The following STK33 variants were observed in gnomAD, a reference collection of about 807,000 sequenced individuals.
STK33 encodes the protein serine/threonine kinase 33, also known as serine/threonine-protein kinase 33.
Under a neutral mutation model 58.0 loss-of-function variants are expected in STK33, and 52 were observed. The ratio of observed to expected loss-of-function variants is 0.90; its 90% confidence interval spans 0.72 to 1.13. STK33 has a LOEUF of 1.13. Among genes scored for constraint, STK33 ranks in the 50% most tolerant of loss-of-function variants. The pLI is 0.00. For missense variants in STK33, 630 were observed against 604.2 expected (o/e 1.04, Z -0.45); for synonymous variants, 215 against 200.1 (o/e 1.07, Z -0.63).
At chr11:8,426,125 G>A (rs991249366) in intron 14 of STK33, among the ~76,000 whole-genome samples, 10 of 152,176 alleles carry the variant, frequency 6.6e-5, no homozygotes, top group African/African-American at 1.9e-4. Context: ...GATCACACGC[G>A]GGCTTGGAGA....
chr11:8,371,867 CTCCT>C, the STK33 span, among the ~76,000 whole-genome samples: 3 of 148,644 alleles, frequency 2.0e-5, no homozygotes, highest in Admixed American at 6.8e-5. Flanking sequence ...CCCTCCCTCC[CTCCT>C]TCTCTTTATT....
At chr11:8,362,561 A>T in the STK33 span, among the ~76,000 whole-genome samples, 1 of 152,228 alleles carries the variant, frequency 6.6e-6, no homozygotes, top group Non-Finnish European at 1.5e-5. Flanking sequence ...AAATCTTAGC[A>T]ATGTCTTTGG....
intron 1 of STK33, among the ~76,000 whole-genome samples, chr11:8,524,645 G>T (rs1031863303): frequency 1.3e-5 from 2 of 151,984 alleles, no homozygotes; most frequent in Admixed American, 1.3e-4. Context: ...TTTGTGACCA[G>T]AAATATGCCA....
chr11:8,491,054 C>T (rs1339106904), intron 1 of STK33, among the ~76,000 whole-genome samples: 1 of 152,154 alleles, frequency 6.6e-6, no homozygotes, highest in South Asian at 2.1e-4. Flanking sequence ...GATTGCAGCT[C>T]CTCGCCAGTA....
intron 11 of STK33, among the ~76,000 whole-genome samples, chr11:8,450,088 T>C (rs1198431139): frequency 6.6e-6 from 1 of 152,162 alleles, no homozygotes; most frequent in African/African-American, 2.4e-5. Flanking sequence ...ATCATTCTAC[T>C]GTAAGGACAC....
intron 15 of STK33, among the ~76,000 whole-genome samples, chr11:8,394,088 CT>C: frequency 6.6e-6 from 1 of 152,092 alleles, no homozygotes; most frequent in East Asian, 1.9e-4. Context: ...TTCTTTAGTT[CT>C]TTTCCCCCCT....
chr11:8,365,860 C>A, the STK33 span, among the ~76,000 whole-genome samples: 1 of 152,172 alleles, frequency 6.6e-6, no homozygotes, highest in Non-Finnish European at 1.5e-5. Context: ...CCCACAGAGT[C>A]CTGGAACTCG....
chr11:8,395,094 G>GACCT (rs1849107856), intron 15 of STK33, among the ~76,000 whole-genome samples: 1 of 152,136 alleles, frequency 6.6e-6, no homozygotes. Flanking sequence ...CATTTCCATT[G>GACCT]GTTGCAGGTC....
At chr11:8,577,885 A>T (rs1254983674) in intron 1 of STK33, among the ~76,000 whole-genome samples, 1 of 152,110 alleles carries the variant, frequency 6.6e-6, no homozygotes, top group East Asian at 1.9e-4. Flanking sequence ...TTTATATGGT[A>T]ACTTTCCTGA....
At chr11:8,581,604 G>A (rs900077923) in intron 1 of STK33, among the ~76,000 whole-genome samples, 1 of 152,170 alleles carries the variant, frequency 6.6e-6, no homozygotes, top group African/African-American at 2.4e-5. Flanking sequence ...CTAAGTGTTT[G>A]GAAGAAAATC....
intron 14 of STK33, among the ~76,000 whole-genome samples, chr11:8,434,627 T>TAC (rs1943841715): frequency 8.2e-6 from 1 of 121,526 alleles, no homozygotes; most frequent in Non-Finnish European, 1.8e-5. Context: ...CTGTGAGCTA[T>TAC]TATGGTTCCT....
chr11:8,495,172 G>C (rs1297525092), intron 1 of STK33, among the ~76,000 whole-genome samples: 1 of 151,880 alleles, frequency 6.6e-6, no homozygotes, highest in Non-Finnish European at 1.5e-5. Flanking sequence ...TACAGAATGG[G>C]AGAAAATTTT....
chr11:8,361,370 C>T, the STK33 span, among the ~76,000 whole-genome samples: 1 of 152,194 alleles, frequency 6.6e-6, no homozygotes, highest in East Asian at 1.9e-4. The surrounding 1 kb of genome is among the most constrained non-coding windows in gnomAD (Gnocchi z 4.8). Context: ...CACCTCATTC[C>T]ACATCGAGCC....
At chr11:8,360,996 GAAAA>G in the STK33 span, among the ~76,000 whole-genome samples, 2 of 152,198 alleles carry the variant, frequency 1.3e-5, no homozygotes, top group African/African-American at 2.4e-5. Flanking sequence ...GCGTTGCATT[GAAAA>G]ATAGGGATCA....
intron 1 of STK33, among the ~76,000 whole-genome samples, chr11:8,486,649 T>A (rs1410165474): frequency 6.6e-6 from 1 of 152,212 alleles, no homozygotes; most frequent in Non-Finnish European, 1.5e-5. Context: ...TGTTAGTCAC[T>A]GTTTATCAGG....
rs186328401 is a variant in STK33 at position 8,394,433 on chromosome 11, T to C, written c.1345-1723A>G. Reference sequence around the variant, plus strand: ...CTTGGATTTTGAGTTATCATCCAAGTTGTTGAGGAAGTAGTTTTCAACATG... The same window carrying C: ...CTTGGATTTTGAGTTATCATCCAAGCTGTTGAGGAAGTAGTTTTCAACATG... On this transcript the variant is annotated intron_variant, in intron 15 of 15. Coordinates refer to ENST00000687296, the MANE Select transcript of STK33 (RefSeq NM_001352389.2). Among the ~76,000 whole-genome samples the C allele has an allele frequency of 1.2e-4, 18 of 152,352 alleles. No homozygotes were observed. The East Asian group carries it at 3.3e-3, about 28-fold the overall frequency.
intron 11 of STK33, among the ~76,000 whole-genome samples, chr11:8,451,690 C>T (rs542189145): frequency 6.6e-6 from 1 of 152,220 alleles, no homozygotes; most frequent in South Asian, 2.1e-4. Context: ...GGTTGCACAA[C>T]TCTGTGGATG....
At chr11:8,441,415 G>T (rs945593214) in intron 11 of STK33, among the ~76,000 whole-genome samples, 13 of 151,808 alleles carry the variant, frequency 8.6e-5, no homozygotes, top group Non-Finnish European at 1.6e-4. Flanking sequence ...GCAGTGGCAT[G>T]ATCACAGTTC....
intron 14 of STK33, among the ~76,000 whole-genome samples, chr11:8,426,641 T>C (rs1212494377): frequency 6.6e-6 from 1 of 152,208 alleles, no homozygotes; most frequent in East Asian, 1.9e-4. Context: ...TTTTGTGTTT[T>C]TTTCAAAGAA....
Sources: allele counts gnomAD v4.1 joint callset (sites outside exome capture counted in the v4.1 genomes callset), GRCh38; gene constraint gnomAD v4.1.1; non-coding constraint Gnocchi (gnomAD v3.1); transcripts MANE v1.5; gene names NCBI Gene and HGNC (gene_info 2026-07-23, HGNC 2026-07-21).